DOCK9: variants seen among roughly 807,000 people sequenced by gnomAD.
The protein encoded by DOCK9 is dedicator of cytokinesis protein 9.
In DOCK9, 89 loss-of-function variants were observed where a neutral mutation model predicts 263.3. The observed-to-expected ratio is 0.34, with a 90% CI of 0.28 to 0.40. The LOEUF (loss-of-function observed/expected upper bound fraction) is 0.40, where lower values mean the gene tolerates loss of function less well. Ranked by LOEUF, DOCK9 falls within the 10% of genes least tolerant of loss-of-function variation. The pLI is 1.00. For synonymous variants in DOCK9, 976 were observed against 973.1 expected (o/e 1.00, Z -0.06); for missense variants, 2,140 against 2,603.4 (o/e 0.82, Z 3.87).
chr13:98,947,073 G>A (rs1486101877), intron 2 of DOCK9, among the ~76,000 whole-genome samples: 5 of 152,070 alleles, frequency 3.3e-5, no homozygotes, highest in Admixed American at 1.3e-4. Context: ...GGACTTCTGC[G>A]TTTCCAGCCA....
chr13:99,035,209 A>C (rs920371014), intron 1 of DOCK9, among the ~76,000 whole-genome samples: 4 of 152,246 alleles, frequency 2.6e-5, no homozygotes, highest in African/African-American at 9.6e-5. Flanking sequence ...TCAATCTCTC[A>C]AATTTGAATG....
At chr13:98,951,053 A>T (rs2057353288) in intron 2 of DOCK9, among the ~76,000 whole-genome samples, 1 of 152,210 alleles carries the variant, frequency 6.6e-6, no homozygotes, top group African/African-American at 2.4e-5. Context: ...AAAACCTTTT[A>T]ATCTAAAGGT....
At chr13:98,964,620 C>A (rs1191485411) in intron 1 of DOCK9, among the ~76,000 whole-genome samples, 3 of 152,164 alleles carry the variant, frequency 2.0e-5, no homozygotes, top group Non-Finnish European at 4.4e-5. Flanking sequence ...GAAACTTAAG[C>A]TTCATGAGCT....
At chr13:98,798,591 AGAG>A (rs1436566953) in intron 50 of DOCK9, among the ~76,000 whole-genome samples, 2 of 152,236 alleles carry the variant, frequency 1.3e-5, no homozygotes, top group African/African-American at 4.8e-5. Flanking sequence ...GAAGATAGAA[AGAG>A]GAAGGCTGAT....
Position 98,810,428 on chromosome 13 carries a change from C to T in DOCK9, c.5131-137G>A, listed in dbSNP as rs183516696. 1.7e-3 allele frequency: 1,813 copies of T among 1,087,464 alleles called. 21 individuals carry two copies. Among genetic ancestry groups the T allele is most frequent in the South Asian group, 0.013 (828 of 64,256 alleles). 67.4% of individuals were successfully genotyped at this position (1,087,464 alleles called of 1,614,324 possible). On this transcript the variant is annotated intron_variant, in intron 45 of 52. Coordinates refer to ENST00000682017, the MANE Select transcript of DOCK9 (RefSeq NM_001366683.2). Reference sequence around the variant, plus strand: ...GACAACATGCATCAACACTCACTTCCACACTTACAACAACATTCTTTTTTA... The same window carrying T: ...GACAACATGCATCAACACTCACTTCTACACTTACAACAACATTCTTTTTTA...
At chr13:98,843,976 A>G (rs1315724655) in intron 38 of DOCK9, among the ~76,000 whole-genome samples, 1 of 152,222 alleles carries the variant, frequency 6.6e-6, no homozygotes, top group Non-Finnish European at 1.5e-5. Flanking sequence ...GATTTTTTAA[A>G]AAGTGCTTCA....
chr13:99,072,744 T>C (rs1019533290), intron 1 of DOCK9, among the ~76,000 whole-genome samples: 1 of 152,178 alleles, frequency 6.6e-6, no homozygotes, highest in African/African-American at 2.4e-5. Flanking sequence ...TACACATATG[T>C]AATCCTGGCA....
rs1184103102 is a variant in DOCK9 at position 98,901,711 on chromosome 13, T to C, written c.1503+67A>G. ...TATGTTTGATTTCATTAAGGATTTA[T>C]AGTATCACATAAAGGCCTCTTTTCA... On this transcript the variant is annotated intron_variant, in intron 13 of 52. Transcript: ENST00000682017. 9 of 1,541,560 alleles carry C rather than the reference T, an allele frequency of 5.8e-6. No individual in the cohort carries two copies. In the Admixed American group the frequency reaches 1.2e-4, roughly 20 times the overall value.
intron 38 of DOCK9, among the ~76,000 whole-genome samples, chr13:98,838,751 A>G (rs1215934208): frequency 6.6e-6 from 1 of 152,256 alleles, no homozygotes; most frequent in African/African-American, 2.4e-5. Flanking sequence ...ATAATAAAAC[A>G]CCATGTAATG....
At chr13:98,882,035 G>A (rs2044857073) in intron 23 of DOCK9, 28 bp from the exon 24 acceptor site, 1 of 1,532,884 alleles carries the variant, frequency 6.5e-7, no homozygotes, top group Non-Finnish European at 8.9e-7. Context: ...CACAGTTCAT[G>A]TTATCCTTCT....
intron 1 of DOCK9, among the ~76,000 whole-genome samples, chr13:98,995,821 G>A (rs1880904695): frequency 1.3e-5 from 2 of 152,142 alleles, no homozygotes; most frequent in South Asian, 2.1e-4. Context: ...AGAAGGAGGA[G>A]TGAATTCTGA....
intron 39 of DOCK9, chr13:98,832,150 G>A (rs1263667623): frequency 5.0e-6 from 1 of 198,718 alleles, no homozygotes. Context: ...ACAGGTATGC[G>A]ATAATTATAG....
chr13:98,950,404 T>C, intron 2 of DOCK9: 2 of 836,520 alleles, frequency 2.4e-6, no homozygotes, highest in Non-Finnish European at 3.9e-6. Context: ...CTTTTTCAGA[T>C]TTTCTAGAAC....
chr13:98,873,543 C>T (rs183192118), intron 27 of DOCK9, among the ~76,000 whole-genome samples: 1 of 152,348 alleles, frequency 6.6e-6, no homozygotes, highest in East Asian at 1.9e-4. Flanking sequence ...TCATGGCTAA[C>T]TCTGGCCAAT....
At chr13:98,925,534 C>T (rs755311901) in intron 4 of DOCK9, among the ~76,000 whole-genome samples, 5 of 152,094 alleles carry the variant, frequency 3.3e-5, no homozygotes, top group Non-Finnish European at 7.4e-5. Context: ...AGTACACTTA[C>T]GTTTTGTTTG....
At chr13:99,028,390 A>T (rs1886995305) in intron 1 of DOCK9, among the ~76,000 whole-genome samples, 1 of 152,200 alleles carries the variant, frequency 6.6e-6, no homozygotes, top group African/African-American at 2.4e-5. Flanking sequence ...AGCAATCCAA[A>T]AAAAGGCAGG....
chr13:98,941,392 T>A (rs1435123842), intron 2 of DOCK9, among the ~76,000 whole-genome samples: 1 of 152,198 alleles, frequency 6.6e-6, no homozygotes, highest in East Asian at 1.9e-4. Context: ...AATAATGTAC[T>A]GCTTCCTGAA....
chr13:99,060,890 G>A (rs1389895252), intron 1 of DOCK9, among the ~76,000 whole-genome samples: 1 of 152,196 alleles, frequency 6.6e-6, no homozygotes, highest in Admixed American at 6.5e-5. Context: ...AGAGTGGCTG[G>A]TGTGTAACAA....
chr13:99,004,597 C>G (rs774745992), intron 1 of DOCK9, among the ~76,000 whole-genome samples: 1 of 152,208 alleles, frequency 6.6e-6, no homozygotes, highest in African/African-American at 2.4e-5. Flanking sequence ...CAAGTGGTCC[C>G]TCTGCTTCTG....
Sources: allele counts gnomAD v4.1 joint callset (sites outside exome capture counted in the v4.1 genomes callset), GRCh38; gene constraint gnomAD v4.1.1; transcripts MANE v1.5; gene names NCBI Gene and HGNC (gene_info 2026-07-23, HGNC 2026-07-21).